The following LDB2 variants were observed in gnomAD, a reference collection of about 807,000 sequenced individuals.
LDB2 encodes LIM domain-binding protein 2.
Under a neutral mutation model 44.3 loss-of-function variants are expected in LDB2, and 12 were observed. That is an observed-to-expected ratio of 0.27 (90% CI 0.17 to 0.44). The LOEUF (loss-of-function observed/expected upper bound fraction) is 0.44, where lower values mean the gene tolerates loss of function less well. Among genes scored for constraint, LDB2 ranks in the 20% least tolerant of loss-of-function variants. The pLI is 1.00. For missense variants in LDB2, 344 were observed against 473.5 expected, an observed-to-expected ratio of 0.73 and a Z score of 2.54; for synonymous variants, 164 against 174.8, an observed-to-expected ratio of 0.94 and a Z score of 0.49.
intron 1 of LDB2, among the ~76,000 whole-genome samples, chr4:16,764,113 C>CT (rs1365168154): frequency 6.6e-6 from 1 of 152,056 alleles, no homozygotes; most frequent in Non-Finnish European, 1.5e-5. Context: ...CCAATACATG[C>CT]TTTTTTGTAA....
At chr4:16,649,907 A>G (rs1402951727) in intron 2 of LDB2, among the ~76,000 whole-genome samples, 1 of 152,192 alleles carries the variant, frequency 6.6e-6, no homozygotes, top group African/African-American at 2.4e-5. Flanking sequence ...AAACTGGCTG[A>G]GAAAATATCC....
chr4:16,756,476 C>T (rs544328343), intron 2 of LDB2, among the ~76,000 whole-genome samples: 14 of 152,038 alleles, frequency 9.2e-5, no homozygotes, highest in African/African-American at 2.4e-4. Context: ...AAGATCAGAT[C>T]GTAACCCAGA....
At chr4:16,755,390 G>A (rs924772584) in intron 2 of LDB2, among the ~76,000 whole-genome samples, 9 of 151,360 alleles carry the variant, frequency 5.9e-5, no homozygotes, top group African/African-American at 1.7e-4. Flanking sequence ...TAATTATTTG[G>A]GACCCTTATT....
At chr4:16,818,832 C>T (rs1039952414) in intron 1 of LDB2, among the ~76,000 whole-genome samples, 5 of 152,178 alleles carry the variant, frequency 3.3e-5, no homozygotes, top group African/African-American at 4.8e-5. Context: ...AGTATGTTAA[C>T]TATCACACTC....
intron 2 of LDB2, among the ~76,000 whole-genome samples, chr4:16,731,450 T>C (rs757096005): frequency 6.6e-6 from 1 of 152,150 alleles, no homozygotes; most frequent in Non-Finnish European, 1.5e-5. Context: ...TCCCACCTGA[T>C]GGATCAGTAC....
At chr4:16,717,159 A>AAATAATAATAATAATAAT (rs140994016) in intron 2 of LDB2, among the ~76,000 whole-genome samples, 12 of 146,482 alleles carry the variant, frequency 8.2e-5, no homozygotes, top group African/African-American at 2.8e-4. Flanking sequence ...AGCTAATAGC[A>AAATAATAATAATAATAAT]AATAATAATA....
intron 2 of LDB2, among the ~76,000 whole-genome samples, chr4:16,649,398 TGAGAGAGAGAGAGATGAGA>T (rs141310937): frequency 0.018 from 2,662 of 151,842 alleles, 33 homozygotes; most frequent in Middle Eastern, 0.048. Flanking sequence ...TATTGGCATA[TGAGAGAGAGAGAGATGAGA>T]GAGAGAGAGA....
At chr4:16,710,095 T>G (rs1203630385) in intron 2 of LDB2, among the ~76,000 whole-genome samples, 4 of 152,162 alleles carry the variant, frequency 2.6e-5, no homozygotes, top group Non-Finnish European at 5.9e-5. Context: ...CTTAAATCCT[T>G]TGGGATATAT....
At chr4:16,669,108 T>C (rs1744073832) in intron 2 of LDB2, among the ~76,000 whole-genome samples, 1 of 152,200 alleles carries the variant, frequency 6.6e-6, no homozygotes, top group Non-Finnish European at 1.5e-5. Context: ...AGAATGAATA[T>C]TGAGCAACCA....
intron 2 of LDB2, among the ~76,000 whole-genome samples, chr4:16,718,595 A>T (rs549119777): frequency 5.2e-4 from 79 of 152,270 alleles, no homozygotes; most frequent in African/African-American, 1.8e-3. Context: ...CCTGAAGATC[A>T]TCATTCCTTG....
chr4:16,793,049 T>G (rs1190019515), intron 1 of LDB2, among the ~76,000 whole-genome samples: 1 of 152,054 alleles, frequency 6.6e-6, no homozygotes, highest in Non-Finnish European at 1.5e-5. Context: ...GGATTTCAGG[T>G]TATATAAGTA....
chr4:16,553,250 C>G (rs1738292526), intron 5 of LDB2, among the ~76,000 whole-genome samples: 1 of 151,984 alleles, frequency 6.6e-6, no homozygotes, highest in African/African-American at 2.4e-5. Flanking sequence ...ACTCCTAGGC[C>G]CAAGTGATCT....
intron 5 of LDB2, among the ~76,000 whole-genome samples, chr4:16,568,050 A>C (rs1454350849): frequency 6.6e-6 from 1 of 152,216 alleles, no homozygotes. Context: ...TGTCCCTTAA[A>C]TATTAGAGTG....
intron 5 of LDB2, among the ~76,000 whole-genome samples, chr4:16,585,213 T>G (rs1476320764): frequency 6.6e-6 from 1 of 152,194 alleles, no homozygotes; most frequent in Non-Finnish European, 1.5e-5. Flanking sequence ...CCAGCTACCC[T>G]GGCTGGGAGC....
chr4:16,878,888 C>G (rs1342996976), intron 1 of LDB2, among the ~76,000 whole-genome samples: 1 of 152,186 alleles, frequency 6.6e-6, no homozygotes. Context: ...CTATTGCCAC[C>G]AATATAGGTC....
chr4:16,850,776 A>G (rs1788064116), intron 1 of LDB2, among the ~76,000 whole-genome samples: 1 of 152,198 alleles, frequency 6.6e-6, no homozygotes. Flanking sequence ...ACATAGGAAA[A>G]GAACAAGATG....
Position 16,588,850 on chromosome 4 carries a change from C to T in LDB2, c.409-18G>A. The T allele has an allele frequency of 6.2e-7, 1 of 1,611,866 alleles. No individual in the cohort carries two copies. The highest frequency in any genetic ancestry group is 2.2e-5 in the East Asian group (1 of 44,854). On this transcript the variant is annotated intron_variant, in intron 3 of 7. Transcript: ENST00000304523. Reference sequence around the variant, plus strand: ...GTACATACCTGGAAGTGACAAACCACACAGTCATTCATTACGCACTTTGTG... The same window carrying T: ...GTACATACCTGGAAGTGACAAACCATACAGTCATTCATTACGCACTTTGTG...
intron 5 of LDB2, among the ~76,000 whole-genome samples, chr4:16,536,587 A>G (rs1731947473): frequency 6.6e-6 from 1 of 152,242 alleles, no homozygotes; most frequent in Non-Finnish European, 1.5e-5. Flanking sequence ...GTGTTAACTC[A>G]AATTGTACTA....
In LDB2 at chr4:16,784,674, T is replaced by G. The variant is rs1773996142; in HGVS notation, c.133-25414A>C. Among the ~76,000 whole-genome samples the G allele has an allele frequency of 2.0e-5, 3 of 152,212 alleles. No homozygotes were observed. The South Asian group carries it at 6.2e-4, about 31-fold the overall frequency. ...AAAGTCTAGAGTGGAATCCTTTATCTGGAGAAGAAAGTTCAAATTCCTCAG... is the reference window on the plus strand; with the variant it reads ...AAAGTCTAGAGTGGAATCCTTTATCGGGAGAAGAAAGTTCAAATTCCTCAG... On this transcript the variant is annotated intron_variant, in intron 1 of 7. Transcript: ENST00000304523.
Sources: gnomAD v4.1 joint callset for allele counts (sites outside exome capture counted in the v4.1 genomes callset) on GRCh38, gnomAD v4.1.1 for gene constraint, MANE v1.5 for transcripts, NCBI Gene and HGNC (gene_info 2026-07-23, HGNC 2026-07-21) for gene names.